The following SLC6A5 variants were observed in gnomAD, a reference collection of about 807,000 sequenced individuals.
The protein encoded by SLC6A5 is solute carrier family 6 member 5.
A neutral mutation model predicts 90.5 loss-of-function variants in SLC6A5; 58 were observed. That is an observed-to-expected ratio of 0.64 (90% CI 0.52 to 0.80). SLC6A5 has a LOEUF of 0.80. SLC6A5 is among the 30% of genes least tolerant of loss of function. The pLI is 0.00. For synonymous variants in SLC6A5, 427 were observed against 401.4 expected (o/e 1.06, Z -0.76); for missense variants, 1,015 against 1,017.6 (o/e 1.00, Z 0.03).
intron 13 of SLC6A5, among the ~76,000 whole-genome samples, chr11:20,639,226 T>C (rs1429726527): frequency 1.3e-5 from 2 of 152,178 alleles, no homozygotes; most frequent in Non-Finnish European, 2.9e-5. Flanking sequence ...GGGCATCTCC[T>C]GGTCCCTTGT....
At position 20,601,343 on chromosome 11, in the gene SLC6A5, A is replaced by T; in HGVS notation, c.218A>T (p.Glu73Val). ...QSADARACEA[E>V]RPGVGSCKLS... The stretch of plus-strand genomic sequence containing the variant: ...GCGGACGCGCGAGCCTGCGAGGCTG[A>T]GCGGCCAGGAGTGGGGTCTTGCAAA... The change falls in exon 2 of 16, where the codon GAG (glutamate) becomes GTG (valine). Residue 73 changes from glutamate to valine, a missense_variant. Transcript: ENST00000525748. 3 of 1,598,570 alleles carry T rather than the reference A, an allele frequency of 1.9e-6. No individual in the cohort carries two copies. Among genetic ancestry groups the T allele is most frequent in the Non-Finnish European group, 2.6e-6 (3 of 1,175,266 alleles).
intron 15 of SLC6A5, 134 bp from the exon 16 acceptor site, chr11:20,654,579 T>C: frequency 1.2e-6 from 1 of 804,728 alleles, no homozygotes; most frequent in Non-Finnish European, 2.2e-6. Flanking sequence ...CTGCCTCTCT[T>C]GGTAGAGGGC....
In SLC6A5 at chr11:20,607,597, C is replaced by A; in HGVS notation, c.930C>A (p.Ser310=). The part of the protein sequence containing the change: ...ASFVSVLPWG[S]CNNPWNTPEC... ...TTGTGTCTGTACTACCCTGGGGCTC[C>A]TGCAACAACCCTTGGAATACGCCAG... The change falls in exon 5 of 16, where the codon TCC becomes TCA. Residue 310 remains serine (S), a synonymous_variant. Coordinates refer to ENST00000525748, the MANE Select transcript of SLC6A5 (RefSeq NM_004211.5). The A allele has an allele frequency of 6.2e-7, 1 of 1,614,188 alleles. No individual in the cohort carries two copies. The highest frequency in any genetic ancestry group is 1.3e-5 in the African/African-American group (1 of 75,060).
At chr11:20,651,066 G>A (rs1853521702) in intron 14 of SLC6A5, among the ~76,000 whole-genome samples, 1 of 152,086 alleles carries the variant, frequency 6.6e-6, no homozygotes, top group Non-Finnish European at 1.5e-5. Context: ...GTCACGGCCC[G>A]GGGACCACTC....
At chr11:20,647,936 A>T (rs1412125095) in intron 14 of SLC6A5, among the ~76,000 whole-genome samples, 1 of 152,210 alleles carries the variant, frequency 6.6e-6, no homozygotes, top group Non-Finnish European at 1.5e-5. Flanking sequence ...ATCATCTGAC[A>T]TTCACCTTCT....
At chr11:20,651,799 C>A (rs1226476045) in intron 14 of SLC6A5, among the ~76,000 whole-genome samples, 1 of 151,632 alleles carries the variant, frequency 6.6e-6, no homozygotes, top group African/African-American at 2.4e-5. Context: ...CCCAGCTATT[C>A]GGGAGGCTGG....
intron 7 of SLC6A5, among the ~76,000 whole-genome samples, chr11:20,623,349 T>C (rs1852928978): frequency 6.6e-6 from 1 of 152,174 alleles, no homozygotes; most frequent in Non-Finnish European, 1.5e-5. Flanking sequence ...GCCAAAACAC[T>C]TGGGAGTCAC....
At chr11:20,606,528 G>A (rs912881630) in intron 3 of SLC6A5, among the ~76,000 whole-genome samples, 2 of 152,144 alleles carry the variant, frequency 1.3e-5, no homozygotes, top group South Asian at 4.1e-4. Flanking sequence ...CCCAACCCTG[G>A]TTGGCAGAAG....
intron 13 of SLC6A5, among the ~76,000 whole-genome samples, chr11:20,639,504 T>C (rs1333621769): frequency 6.6e-6 from 1 of 152,162 alleles, no homozygotes; most frequent in African/African-American, 2.4e-5. Flanking sequence ...AAATGTACCC[T>C]CTGAAGCCCA....
chr11:20,600,357 GAA>G (rs1852439250), intron 1 of SLC6A5, among the ~76,000 whole-genome samples: 2 of 137,856 alleles, frequency 1.5e-5, no homozygotes, highest in Non-Finnish European at 3.2e-5. Context: ...AGAAGAAGAA[GAA>G]GAAGAAGAAG....
Position 20,607,489 on chromosome 11 carries a change from C to T in SLC6A5, c.822C>T (p.Ile274=), listed in dbSNP as rs776289288. The part of the protein sequence containing the change: ...KAIPALQGCG[I]AMLIISVLIA... ...TTTTTGCTTCTGCAGGCTGTGGCATCGCGATGCTGATCATCTCTGTCCTAA... is the reference window on the plus strand; with the variant it reads ...TTTTTGCTTCTGCAGGCTGTGGCATTGCGATGCTGATCATCTCTGTCCTAA... Residue 274 remains isoleucine, a synonymous_variant, in exon 5 of 16, where the codon ATC becomes ATT. Transcript: ENST00000525748. 5.0e-6 allele frequency: 8 copies of T among 1,614,158 alleles called. 1 individual carries two copies. The highest frequency in any genetic ancestry group is 2.2e-5 in the East Asian group (1 of 44,876).
At chr11:20,601,066 G>A (rs1307666341) in intron 1 of SLC6A5, 63 bp from the exon 2 acceptor site, 6 of 1,513,268 alleles carry the variant, frequency 4.0e-6, no homozygotes, top group Middle Eastern at 1.7e-4. Context: ...TCCATATCTA[G>A]ATACAGGTAT....
At chr11:20,603,889 G>A (rs768088777) in intron 2 of SLC6A5, among the ~76,000 whole-genome samples, 20 of 152,148 alleles carry the variant, frequency 1.3e-4, no homozygotes, top group Admixed American at 6.5e-4. Context: ...GATGTTGGGG[G>A]AGCCTGCTTG....
chr11:20,607,747 A>AG, intron 5 of SLC6A5, 95 bp downstream of exon 5: 5 of 965,628 alleles, frequency 5.2e-6, no homozygotes, highest in Non-Finnish European at 8.2e-6. Flanking sequence ...GCTAGGACCT[A>AG]TACTAGGTTC....
At position 20,601,201 on chromosome 11, in the gene SLC6A5, C is replaced by A. The variant is rs749057466; in HGVS notation, c.76C>A (p.Pro26Thr). ...GGAGGCGGCGGCGGCGCAGGGCCAC[C>A]CGGATGGCCCATGCGCTCCCAGGAC... Reference protein sequence around the residue: ...SPEAAAAQGHPDGPCAPRTSP... With the variant: ...SPEAAAAQGHTDGPCAPRTSP... The change falls in exon 2 of 16, where the codon CCG becomes ACG. Residue 26 changes from proline to threonine, a missense_variant. By Grantham distance (38) the Pro-to-Thr change is conservative. Coordinates refer to ENST00000525748, the MANE Select transcript of SLC6A5 (RefSeq NM_004211.5). 6.3e-7 allele frequency: 1 copy of A among 1,585,270 alleles called. No homozygotes were observed. The highest frequency in any genetic ancestry group is 2.3e-5 in the East Asian group (1 of 44,368).
chr11:20,600,396 GA>G (rs1852443417), intron 1 of SLC6A5, among the ~76,000 whole-genome samples: 2 of 142,406 alleles, frequency 1.4e-5, no homozygotes, highest in African/African-American at 2.6e-5. Flanking sequence ...AGAAGAAGAA[GA>G]AGAAGAAGAA....
At chr11:20,617,180 G>A (rs1852798264) in intron 6 of SLC6A5, among the ~76,000 whole-genome samples, 1 of 152,190 alleles carries the variant, frequency 6.6e-6, no homozygotes, top group South Asian at 2.1e-4. Flanking sequence ...GTCTTAGAAT[G>A]TTTTGCTTGA....
At chr11:20,633,300 A>G (rs918436807) in intron 10 of SLC6A5, among the ~76,000 whole-genome samples, 7 of 152,178 alleles carry the variant, frequency 4.6e-5, no homozygotes, top group African/African-American at 1.4e-4. Flanking sequence ...TAGAAATACT[A>G]CTTTGGTTCC....
In SLC6A5 at chr11:20,638,486, G is replaced by C; in HGVS notation, c.1897G>C (p.Asp633His). The C allele has an allele frequency of 6.2e-7, 1 of 1,613,016 alleles. No homozygotes were observed. Among genetic ancestry groups the C allele is most frequent in the Non-Finnish European group, 8.5e-7 (1 of 1,179,088 alleles). ...QGGIYMFQLV[D>H]TYAASYALVI... Reference sequence around the variant, plus strand: ...TGGAATTTACATGTTTCAGCTTGTGGACACCTATGCTGCCTCCTATGCCCT... The same window carrying C: ...TGGAATTTACATGTTTCAGCTTGTGCACACCTATGCTGCCTCCTATGCCCT... The change falls in exon 13 of 16, where the codon GAC (aspartate) becomes CAC (histidine). Residue 633 changes from aspartate (D) to histidine (H), a missense_variant. This residue lies in a region of SLC6A5 where 442 missense variants were observed against 494.3 expected (regional missense o/e 0.89). Transcript: ENST00000525748.
Sources: gnomAD v4.1 joint callset for allele counts (sites outside exome capture counted in the v4.1 genomes callset) on GRCh38, gnomAD v4.1.1 for gene constraint, gnomAD v4.1.1 regional missense constraint, MANE v1.5 for transcripts, NCBI Gene and HGNC (gene_info 2026-07-23, HGNC 2026-07-21) for gene names.